The following STK31 variants were observed in gnomAD, a reference collection of about 807,000 sequenced individuals.
The protein encoded by STK31 is serine/threonine-protein kinase 31.
Under a neutral mutation model 129.7 loss-of-function variants are expected in STK31, and 89 were observed. The ratio of observed to expected loss-of-function variants is 0.69; its 90% CI spans 0.58 to 0.82. The LOEUF (loss-of-function observed/expected upper bound fraction) is 0.82. STK31 is among the 40% of genes least tolerant of loss of function. The probability of loss-of-function intolerance (pLI) is 0.00; values close to 1 mark genes in which losing one functional copy is unlikely to be tolerated. For missense variants in STK31, 1,187 were observed against 1,176.4 expected (o/e 1.01, Z -0.13); for synonymous variants, 448 against 395.3 (o/e 1.13, Z -1.58).
chr7:23,718,004 A>C (rs1285784723), intron 4 of STK31, among the ~76,000 whole-genome samples: 1 of 152,104 alleles, frequency 6.6e-6, no homozygotes, highest in African/African-American at 2.4e-5. Flanking sequence ...AGCTATGGAG[A>C]TGGATGATGA....
In STK31 at chr7:23,735,096, G is replaced by C. The variant is rs116903350; in HGVS notation, c.484-442G>C. Among the ~76,000 whole-genome samples the C allele has an allele frequency of 7.9e-5, 12 of 151,908 alleles. 1 individual carries two copies. Among genetic ancestry groups the C allele is most frequent in the Admixed American group, 6.6e-4 (10 of 15,256 alleles). On this transcript the variant is annotated intron_variant, in intron 6 of 23. Coordinates refer to ENST00000355870, the MANE Select transcript of STK31 (RefSeq NM_031414.5). ...TTTGTGGCTTTTTTTGCTTCTGCTC[G>C]TCTTACTTTAAAACCAGAGTTCCTG...
intron 15 of STK31, among the ~76,000 whole-genome samples, chr7:23,775,360 G>A (rs1344290699): frequency 2.6e-5 from 4 of 152,120 alleles, no homozygotes; most frequent in Admixed American, 2.6e-4. Flanking sequence ...AAAAAATTCT[G>A]TGCAGAAATT....
In STK31 at chr7:23,785,534, C is replaced by T. The variant is rs1390717386; in HGVS notation, c.2205C>T (p.Pro735=). 6.2e-7 allele frequency: 1 copy of T among 1,613,978 alleles called. No homozygotes were observed. The highest frequency in any genetic ancestry group is 1.7e-5 in the Admixed American group (1 of 60,012). Residue 735 remains proline, a synonymous_variant, in exon 18 of 24, where the codon CCC becomes CCT. Coordinates refer to ENST00000355870, the MANE Select transcript of STK31 (RefSeq NM_031414.5). ...SLERDLLDAE[P]MKELSSKRPL... ...AACGAGATCTTCTTGATGCTGAGCCCATGAAGGAACTTAGCAGCAAGCGTC... is the reference window on the plus strand; with the variant it reads ...AACGAGATCTTCTTGATGCTGAGCCTATGAAGGAACTTAGCAGCAAGCGTC...
At chr7:23,780,565 T>G (rs1474789053) in intron 15 of STK31, among the ~76,000 whole-genome samples, 2 of 152,178 alleles carry the variant, frequency 1.3e-5, no homozygotes, top group African/African-American at 2.4e-5. Flanking sequence ...GCAAATACAC[T>G]ATTTACATTT....
At chr7:23,721,739 A>C in intron 4 of STK31, 2 of 748,032 alleles carry the variant, frequency 2.7e-6, no homozygotes, top group Non-Finnish European at 2.5e-6. Context: ...AGCAAATGAC[A>C]CAATAAGGAT....
chr7:23,826,253 C>T (rs943876809), intron 23 of STK31, among the ~76,000 whole-genome samples: 2 of 152,044 alleles, frequency 1.3e-5, no homozygotes, highest in African/African-American at 4.8e-5. Flanking sequence ...GTAGGTCACT[C>T]AGGACTTGCT....
At chr7:23,766,427 T>G (rs1459717125) in intron 11 of STK31, among the ~76,000 whole-genome samples, 3 of 152,162 alleles carry the variant, frequency 2.0e-5, no homozygotes, top group Admixed American at 6.5e-5. Context: ...TGTGCCCGGC[T>G]AATTTTAGTA....
chr7:23,716,842 T>C (rs934049227), intron 3 of STK31, among the ~76,000 whole-genome samples: 1 of 147,558 alleles, frequency 6.8e-6, no homozygotes, highest in African/African-American at 2.5e-5. Flanking sequence ...TCACCAAGGC[T>C]AGAGTGCAGT....
chr7:23,752,689 A>G, intron 8 of STK31, 28 bp from the exon 9 acceptor site: 1 of 1,529,658 alleles, frequency 6.5e-7, no homozygotes, highest in Non-Finnish European at 9.1e-7. Context: ...TTTGGGTCTC[A>G]CGAGAATGTG....
chr7:23,828,891 T>C (rs1219181613), intron 23 of STK31, among the ~76,000 whole-genome samples: 1 of 152,014 alleles, frequency 6.6e-6, no homozygotes, highest in African/African-American at 2.4e-5. Context: ...TCTTTTTCTT[T>C]CTTTTTTTTT....
At chr7:23,748,582 A>G (rs1259694135) in intron 8 of STK31, among the ~76,000 whole-genome samples, 1 of 151,998 alleles carries the variant, frequency 6.6e-6, no homozygotes, top group Non-Finnish European at 1.5e-5. Context: ...AGGAATACCA[A>G]CCTCTCCTCT....
Position 23,828,941 on chromosome 7 carries a change from C to T in STK31, c.2830-3195C>T, listed in dbSNP as rs147395685. ...TTGAGATGGAGTTTCGTTCGTGTTG[C>T]CCAGCTGGAGTGCAGTGGCGTGATC... On this transcript the variant is annotated intron_variant, in intron 23 of 23. Transcript: ENST00000355870. 2.9e-3 allele frequency among the ~76,000 whole-genome samples: 435 copies of T among 151,412 alleles called. 1 individual carries two copies. The highest frequency in any genetic ancestry group is 4.0e-3 in the Non-Finnish European group (272 of 67,896).
intron 4 of STK31, among the ~76,000 whole-genome samples, chr7:23,720,056 T>C (rs1218167635): frequency 1.3e-5 from 2 of 152,142 alleles, no homozygotes; most frequent in Admixed American, 6.5e-5. Context: ...AAACAAACAA[T>C]GGCAGTTACT....
chr7:23,746,907 T>G (rs1788388225), intron 8 of STK31, among the ~76,000 whole-genome samples: 1 of 152,064 alleles, frequency 6.6e-6, no homozygotes, highest in Non-Finnish European at 1.5e-5. Context: ...TAAAATAAAT[T>G]AAACTTTTTA....
At chr7:23,819,976 CCAGA>C (rs909987202) in intron 23 of STK31, among the ~76,000 whole-genome samples, 1 of 152,136 alleles carries the variant, frequency 6.6e-6, no homozygotes, top group Admixed American at 6.5e-5. Context: ...ATTTACCCTT[CCAGA>C]CAGAGAAGCT....
chr7:23,791,206 A>G (rs114306737), intron 22 of STK31: 17 of 934,670 alleles, frequency 1.8e-5, no homozygotes, highest in African/African-American at 1.2e-4. Flanking sequence ...TTTGTCCTAC[A>G]TTAATCTGAA....
chr7:23,754,496 A>G (rs750157961), intron 10 of STK31, 22 bp downstream of exon 10: 8 of 1,598,190 alleles, frequency 5.0e-6, no homozygotes. Context: ...ATTTTTCTCT[A>G]TTGTGGTTTT....
chr7:23,803,009 C>T (rs1472790054), intron 22 of STK31, among the ~76,000 whole-genome samples: 1 of 152,140 alleles, frequency 6.6e-6, no homozygotes, highest in Non-Finnish European at 1.5e-5. Flanking sequence ...TTATTTTGGG[C>T]TTACAGATTC....
At chr7:23,796,059 T>A (rs1791929845) in intron 22 of STK31, among the ~76,000 whole-genome samples, 1 of 152,322 alleles carries the variant, frequency 6.6e-6, no homozygotes, top group South Asian at 2.1e-4. Flanking sequence ...TGTGAAGACA[T>A]GAGATTTGGA....
Sources: gnomAD v4.1 joint callset for allele counts (sites outside exome capture counted in the v4.1 genomes callset) on GRCh38, gnomAD v4.1.1 for gene constraint, MANE v1.5 for transcripts, NCBI Gene and HGNC (gene_info 2026-07-23, HGNC 2026-07-21) for gene names.